The following MOB3B variants were observed in gnomAD, a reference collection of about 807,000 sequenced individuals.
MOB3B encodes MOB kinase activator 3B, also known as MOB kinase activator-like 2B.
In MOB3B, 7 loss-of-function variants were observed where a neutral mutation model predicts 18.7. The observed-to-expected ratio is 0.37, with a 90% CI of 0.21 to 0.70. The LOEUF (loss-of-function observed/expected upper bound fraction) is 0.70. Among genes scored for constraint, MOB3B ranks in the 30% least tolerant of loss-of-function variants. MOB3B has a pLI of 0.52. For synonymous variants in MOB3B, 111 were observed against 99.9 expected, an observed-to-expected ratio of 1.11 and a Z score of -0.66; for missense variants, 253 against 281.3, an observed-to-expected ratio of 0.90 and a Z score of 0.72.
intron 2 of MOB3B, among the ~76,000 whole-genome samples, chr9:27,441,646 T>C (rs62541578): frequency 1.3e-5 from 2 of 152,096 alleles, no homozygotes; most frequent in African/African-American, 2.4e-5. Flanking sequence ...ATGAATCATT[T>C]ATTTCTGGAA....
intron 1 of MOB3B, among the ~76,000 whole-genome samples, chr9:27,528,781 G>A (rs530428505): frequency 4.8e-5 from 5 of 104,440 alleles, no homozygotes; most frequent in Non-Finnish European, 1.3e-4. Flanking sequence ...AGAGCGCGAG[G>A]GGGGGGATCC....
intron 2 of MOB3B, among the ~76,000 whole-genome samples, chr9:27,362,873 C>T (rs1056822286): frequency 2.0e-5 from 3 of 152,234 alleles, no homozygotes; most frequent in South Asian, 4.1e-4. Context: ...GCCTTACAGA[C>T]GTCCAGATTT....
At position 27,453,406 on chromosome 9, in the gene MOB3B, C is replaced by T. The variant is rs1052593733; in HGVS notation, c.418+1727G>A. On this transcript the variant is annotated intron_variant, in intron 2 of 3. Transcript: ENST00000262244. ...ACAGAGGATTCTGACCAGGTAAGCA[C>T]GTTCCCTAAGCATACTGAATGACTA... Among the ~76,000 whole-genome samples the T allele has an allele frequency of 4.6e-5, 7 of 152,146 alleles. No individual in the cohort carries two copies. The East Asian group carries it at 1.2e-3, about 25-fold the overall frequency.
chr9:27,452,933 C>T (rs552124730), intron 2 of MOB3B, among the ~76,000 whole-genome samples: 36 of 152,202 alleles, frequency 2.4e-4, no homozygotes, highest in Admixed American at 1.6e-3. Flanking sequence ...AGATAGAAAG[C>T]GTAAATTCAA....
chr9:27,527,961 C>T (rs145219310), intron 1 of MOB3B, among the ~76,000 whole-genome samples: 385 of 152,312 alleles, frequency 2.5e-3, no homozygotes, highest in African/African-American at 8.4e-3. Flanking sequence ...CAGGGGAACT[C>T]GGGACCATCC....
At chr9:27,515,950 G>A (rs746030646) in intron 1 of MOB3B, among the ~76,000 whole-genome samples, 2 of 152,218 alleles carry the variant, frequency 1.3e-5, no homozygotes, top group African/African-American at 2.4e-5. Flanking sequence ...CTGGATTAGG[G>A]TAGGTACTAA....
intron 1 of MOB3B, among the ~76,000 whole-genome samples, chr9:27,481,461 G>T (rs556924352): frequency 9.3e-5 from 14 of 150,536 alleles, no homozygotes; most frequent in Non-Finnish European, 1.9e-4. Context: ...GGCGCCTGGG[G>T]TAAACTGGTA....
chr9:27,344,943 C>T (rs1010519257), intron 3 of MOB3B, among the ~76,000 whole-genome samples: 1 of 152,238 alleles, frequency 6.6e-6, no homozygotes, highest in African/African-American at 2.4e-5. Flanking sequence ...ACAGGGTCAA[C>T]AACCTAAATG....
chr9:27,383,194 G>A (rs1821604423), intron 2 of MOB3B, among the ~76,000 whole-genome samples: 1 of 152,140 alleles, frequency 6.6e-6, no homozygotes, highest in African/African-American at 2.4e-5. Context: ...CAACCTCTCT[G>A]TGCCTTGGAG....
At chr9:27,342,182 T>G (rs1571650) in intron 3 of MOB3B, among the ~76,000 whole-genome samples, 19 of 152,246 alleles carry the variant, frequency 1.2e-4, no homozygotes, top group African/African-American at 4.6e-4. Flanking sequence ...CTGGCTGACC[T>G]CGCGTCGCAC....
At chr9:27,375,376 G>A (rs1439164000) in intron 2 of MOB3B, among the ~76,000 whole-genome samples, 4 of 152,234 alleles carry the variant, frequency 2.6e-5, no homozygotes. Context: ...TGGGGATGAT[G>A]AAGGCACATG....
intron 2 of MOB3B, among the ~76,000 whole-genome samples, chr9:27,417,747 C>A (rs1306109572): frequency 6.6e-6 from 1 of 152,082 alleles, no homozygotes; most frequent in African/African-American, 2.4e-5. Context: ...TTACACCAAC[C>A]CTCTGGGGTT....
At chr9:27,398,307 C>A (rs1335766010) in intron 2 of MOB3B, among the ~76,000 whole-genome samples, 1 of 152,200 alleles carries the variant, frequency 6.6e-6, no homozygotes, top group Non-Finnish European at 1.5e-5. Context: ...AACATTTGCT[C>A]TGGAGGATTT....
chr9:27,517,647 CAAAAAAAAAAAAA>C (rs756559270), intron 1 of MOB3B, among the ~76,000 whole-genome samples: 2 of 54,268 alleles, frequency 3.7e-5, no homozygotes, highest in East Asian at 6.8e-4. Flanking sequence ...GACTCTGTCT[CAAAAAAAAAAAAA>C]AAAAAAAAAA....
At chr9:27,466,112 T>C (rs1819378928) in intron 1 of MOB3B, among the ~76,000 whole-genome samples, 1 of 152,214 alleles carries the variant, frequency 6.6e-6, no homozygotes, top group African/African-American at 2.4e-5. Flanking sequence ...TTCTGAACTT[T>C]TACGCTCTGT....
At chr9:27,343,301 C>G (rs1480398730) in intron 3 of MOB3B, among the ~76,000 whole-genome samples, 2 of 151,472 alleles carry the variant, frequency 1.3e-5, no homozygotes, top group African/African-American at 4.9e-5. Flanking sequence ...GTCATCACCA[C>G]TCCCTAATCT....
intron 1 of MOB3B, among the ~76,000 whole-genome samples, chr9:27,465,417 A>T (rs951485703): frequency 6.6e-6 from 1 of 152,186 alleles, no homozygotes; most frequent in Non-Finnish European, 1.5e-5. Flanking sequence ...TGCAGGGTAC[A>T]GCCTCCCTGC....
At chr9:27,483,454 GTTAAATCT>G (rs1819693695) in intron 1 of MOB3B, among the ~76,000 whole-genome samples, 1 of 152,066 alleles carries the variant, frequency 6.6e-6, no homozygotes, top group South Asian at 2.1e-4. Flanking sequence ...TTCTTTCATT[GTTAAATCT>G]AACAAATTTC....
At position 27,373,129 on chromosome 9, in the gene MOB3B, A is replaced by C. The variant is rs149377481; in HGVS notation, c.419-13893T>G. The stretch of plus-strand genomic sequence containing the variant: ...CACTAACATTTCTGTCTTTACTGTT[A>C]TGCTCTGATCAGGACTGGCTACATA... On this transcript the variant is annotated intron_variant, in intron 2 of 3. Transcript: ENST00000262244. 5.0e-3 allele frequency among the ~76,000 whole-genome samples: 766 copies of C among 152,332 alleles called. 10 individuals carry two copies. Among genetic ancestry groups the C allele is most frequent in the African/African-American group, 0.017 (715 of 41,572 alleles).
Sources: gnomAD v4.1 joint callset for allele counts (sites outside exome capture counted in the v4.1 genomes callset) on GRCh38, gnomAD v4.1.1 for gene constraint, MANE v1.5 for transcripts, NCBI Gene and HGNC (gene_info 2026-07-23, HGNC 2026-07-21) for gene names.